Variants in KIFC3 observed in about 807,000 individuals in gnomAD.
The protein encoded by KIFC3 is kinesin-like protein KIFC3.
A neutral mutation model predicts 101.8 loss-of-function variants in KIFC3; 60 were observed. The observed-to-expected ratio is 0.59, with a 90% CI of 0.48 to 0.73. The LOEUF (loss-of-function observed/expected upper bound fraction) is 0.73. Among genes scored for constraint, KIFC3 ranks in the 30% least tolerant of loss-of-function variants. The probability of loss-of-function intolerance (pLI) is 0.00; values close to 1 mark genes in which losing one functional copy is unlikely to be tolerated. For missense variants in KIFC3, 966 were observed against 1,137.1 expected, an observed-to-expected ratio of 0.85 and a Z score of 2.16; for synonymous variants, 476 against 482.7, an observed-to-expected ratio of 0.99 and a Z score of 0.18.
chr16:57,832,069 G>T (rs2055591370), intron 1 of KIFC3, among the ~76,000 whole-genome samples: 1 of 152,078 alleles, frequency 6.6e-6, no homozygotes, highest in Non-Finnish European at 1.5e-5. Flanking sequence ...CACCCAGCCT[G>T]GAGTACAGTG....
intron 1 of KIFC3, among the ~76,000 whole-genome samples, chr16:57,853,299 G>A (rs1338096211): frequency 1.3e-5 from 2 of 151,910 alleles, no homozygotes; most frequent in Non-Finnish European, 2.9e-5. Flanking sequence ...CATGCCTGTA[G>A]TCCCAGCTAC....
At chr16:57,780,460 G>A (rs1022300257) in intron 3 of KIFC3, among the ~76,000 whole-genome samples, 7 of 151,366 alleles carry the variant, frequency 4.6e-5, no homozygotes, top group East Asian at 2.0e-4. Flanking sequence ...GCAGTGAGCC[G>A]AGATCATGCC....
intron 3 of KIFC3, chr16:57,775,070 G>T: frequency 6.6e-7 from 1 of 1,507,104 alleles, no homozygotes; most frequent in Non-Finnish European, 8.8e-7. Flanking sequence ...GGTGGGAGGC[G>T]GGATACCCAC....
chr16:57,773,098 A>G (rs559554723), intron 3 of KIFC3, among the ~76,000 whole-genome samples: 2 of 152,308 alleles, frequency 1.3e-5, no homozygotes, highest in South Asian at 4.1e-4. Context: ...AACCTCTCTC[A>G]GGAAACAATT....
In KIFC3 at chr16:57,770,672, G is replaced by A. The variant is rs369750778; in HGVS notation, c.794C>T (p.Ser265Leu). The change falls in exon 7 of 20, where the codon TCG (serine) becomes TTG (leucine). Residue 265 changes from serine to leucine, a missense_variant. Coordinates refer to ENST00000445690, the MANE Select transcript of KIFC3 (RefSeq NM_001130100.2). ...GCTGAGGGCCTGCTTGGTCTTGGAC[G>A]ACTCCACCTCCACTGTCTTGATGAC... ...KYVIKTVEVE[S>L]SKTKQALSES... The A allele has an allele frequency of 6.5e-6, 10 of 1,542,134 alleles. No individual in the cohort carries two copies. The highest frequency in any genetic ancestry group is 1.4e-5 in the African/African-American group (1 of 72,798).
At chr16:57,813,323 G>C (rs1555628109) in intron 1 of KIFC3, among the ~76,000 whole-genome samples, 3 of 151,520 alleles carry the variant, frequency 2.0e-5, no homozygotes, top group African/African-American at 7.3e-5. Context: ...GCAAGGCCTT[G>C]TCTCAAAATA....
chr16:57,849,564 C>T (rs185514028), intron 1 of KIFC3, among the ~76,000 whole-genome samples: 4 of 152,158 alleles, frequency 2.6e-5, no homozygotes, highest in East Asian at 3.9e-4. Flanking sequence ...GGAAGGAGAA[C>T]GTAAACTCAC....
Position 57,774,053 on chromosome 16 carries a change from G to A in KIFC3, c.316-1765C>T, listed in dbSNP as rs1555610399. The A allele has an allele frequency of 2.0e-5, 3 of 152,266 alleles. No individual in the cohort carries two copies. The East Asian group carries it at 5.8e-4, about 29-fold the overall frequency. 9.4% of individuals were successfully genotyped at this position (152,266 alleles called of 1,614,324 possible). A position where few individuals can be genotyped will look rare whatever the true frequency, so the allele number is the denominator to read the frequency against. ...AGCCAGGCCTCCTGGGGGACAAGCA[G>A]GTGACCCAAGGGCCAGACCCCTGGA... On this transcript the variant is annotated intron_variant, in intron 3 of 19. Coordinates refer to ENST00000445690, the MANE Select transcript of KIFC3 (RefSeq NM_001130100.2).
chr16:57,852,221 T>G (rs1264962299), intron 1 of KIFC3, among the ~76,000 whole-genome samples: 2 of 152,118 alleles, frequency 1.3e-5, no homozygotes, highest in African/African-American at 2.4e-5. Context: ...GACCTGTATG[T>G]GGGGGTGGAG....
At chr16:57,761,268 G>T in intron 14 of KIFC3, 97 bp from the exon 15 acceptor site, 2 of 1,574,804 alleles carry the variant, frequency 1.3e-6, no homozygotes, top group Non-Finnish European at 8.7e-7. Flanking sequence ...ACCACCCTCC[G>T]CAGTTTAGAT....
At chr16:57,852,757 CCCGTGAG>C (rs1610887) in intron 1 of KIFC3, among the ~76,000 whole-genome samples, 126,571 of 151,284 alleles carry the variant, frequency 0.84, 53,151 homozygotes, top group East Asian at 0.98. Context: ...TCTGTAAGCT[CCCGTGAG>C]CCGTGAGCCA....
intron 1 of KIFC3, chr16:57,816,958 T>A (rs1427516381): frequency 3.0e-6 from 1 of 338,630 alleles, no homozygotes; most frequent in African/African-American, 2.1e-5. Flanking sequence ...ACTCACTACA[T>A]GCCGGGCACC....
intron 3 of KIFC3, among the ~76,000 whole-genome samples, chr16:57,790,695 C>T (rs1425035138): frequency 3.9e-5 from 6 of 152,206 alleles, no homozygotes; most frequent in African/African-American, 1.2e-4. Flanking sequence ...TAACAGACAA[C>T]TGCAGCCAAG....
chr16:57,772,051 CA>C (rs2051304779), intron 4 of KIFC3, among the ~76,000 whole-genome samples, 171 bp downstream of exon 4: 2 of 152,112 alleles, frequency 1.3e-5, no homozygotes, highest in South Asian at 2.1e-4. Flanking sequence ...CCTGGAGCCA[CA>C]AGGCCTCTGA....
chr16:57,850,465 G>GTTTTT lies in KIFC3; in HGVS notation c.108+12259_108+12263dup, dbSNP rs373157438. Among the ~76,000 whole-genome samples the GTTTTT allele has an allele frequency of 1.8e-3, 151 of 84,110 alleles. 6 individuals are homozygous for GTTTTT. The highest frequency in any genetic ancestry group is 4.5e-3 in the African/African-American group (93 of 20,456). The allele number at this position is 84,110 out of a possible 152,430, so 55.2% of individuals were successfully genotyped here. A position where few individuals can be genotyped will look rare whatever the true frequency, so the allele number is the denominator to read the frequency against. ...TAAATAAAAATAAATTTTAAAAAGG[G>GTTTTT]TTTTTTTTTTTTTTTTTTTTTTTTG... On this transcript the variant is annotated intron_variant, in intron 1 of 2. Transcript: ENST00000563028.
rs1331748906 is a variant in KIFC3 at position 57,798,200 on chromosome 16, G to A, written c.44C>T (p.Ser15Leu). 9.7e-6 allele frequency: 15 copies of A among 1,545,386 alleles called. No homozygotes were observed. In the East Asian group the frequency reaches 3.2e-4, roughly 33 times the overall value. The change falls in exon 2 of 20, where the codon TCG becomes TTG. Residue 15 changes from serine (S) to leucine (L), a missense_variant. Coordinates refer to ENST00000445690, the MANE Select transcript of KIFC3 (RefSeq NM_001130100.2). ...RRTWNLGATPSLRGLWRVGRA... is the reference protein window; with the variant it reads ...RRTWNLGATPLLRGLWRVGRA... ...GCCCACTCTCCACAGGCCCCGCAGC[G>A]AGGGCGTGGCTCCCAGGTTCCACGT... is the stretch of plus-strand genomic sequence containing the variant.
intron 2 of KIFC3, 99 bp downstream of exon 2, chr16:57,797,971 GCT>G (rs1243600103): frequency 1.3e-6 from 2 of 1,545,498 alleles, no homozygotes; most frequent in Non-Finnish European, 1.7e-6. Flanking sequence ...TTACCTGACA[GCT>G]CTGACTGGGC....
rs782318456 is a variant in KIFC3 at position 57,759,804 on chromosome 16, C to T, written c.2400G>A (p.Ser800=). 43 of 1,610,420 alleles carry T rather than the reference C, an allele frequency of 2.7e-5. No individual in the cohort carries two copies. The highest frequency in any genetic ancestry group is 1.8e-4 in the South Asian group (16 of 90,736). ...AGCTGGGGGCTGAGTGGGCCCGTGC[C>T]GAGGGCTGTGGCGTCTGACAAGCCG... is the stretch of plus-strand genomic sequence containing the variant. ...WEPACQTPQP[S]ARAHSAPSSG... Residue 800 remains serine, a synonymous_variant, in exon 18 of 20, where the codon TCG becomes TCA. Transcript: ENST00000445690.
At chr16:57,812,170 G>C (rs1363927062) in intron 1 of KIFC3, among the ~76,000 whole-genome samples, 1 of 151,308 alleles carries the variant, frequency 6.6e-6, no homozygotes, top group Non-Finnish European at 1.5e-5. Context: ...AGCCTACCGA[G>C]TAGCTGGGAC....
Sources: allele counts gnomAD v4.1 joint callset (sites outside exome capture counted in the v4.1 genomes callset), GRCh38; gene constraint gnomAD v4.1.1; transcripts MANE v1.5; gene names NCBI Gene and HGNC (gene_info 2026-07-23, HGNC 2026-07-21).